The following MBTPS1 variants were observed in gnomAD, a reference collection of about 807,000 sequenced individuals.
The protein encoded by MBTPS1 is membrane bound transcription factor peptidase, site 1.
Under a neutral mutation model 127.8 loss-of-function variants are expected in MBTPS1, and 94 were observed. The observed-to-expected ratio is 0.74, with a 90% CI of 0.62 to 0.87. The LOEUF (loss-of-function observed/expected upper bound fraction) is 0.87, where lower values mean the gene tolerates loss of function less well. Among genes scored for constraint, MBTPS1 ranks in the 40% least tolerant of loss-of-function variants. MBTPS1 has a pLI of 0.00. For synonymous variants in MBTPS1, 632 were observed against 509.4 expected (o/e 1.24, Z -3.24); for missense variants, 1,636 against 1,353.2 (o/e 1.21, Z -3.28).
At position 84,059,407 on chromosome 16, in the gene MBTPS1, G is replaced by T; in HGVS notation, c.2726C>A (p.Ser909Tyr). Residue 909 changes from serine to tyrosine, a missense_variant, in exon 21 of 23, where the codon TCC (serine) becomes TAC (tyrosine). By Grantham distance (144) the Ser-to-Tyr change is moderately radical (BLOSUM62 -2). Coordinates refer to ENST00000343411, the MANE Select transcript of MBTPS1 (RefSeq NM_003791.4). ...RMEGNHLHRYSKVLEAHLGDP... is the reference protein window; with the variant it reads ...RMEGNHLHRYYKVLEAHLGDP... Reference sequence around the variant, plus strand: ...TCCCAAATGGGCCTCCAGAACCTTGGAGTACCGATGAAGATGGTTTCCTGT... The same window carrying T: ...TCCCAAATGGGCCTCCAGAACCTTGTAGTACCGATGAAGATGGTTTCCTGT... 6.2e-7 allele frequency: 1 copy of T among 1,613,684 alleles called. No individual in the cohort carries two copies. Among genetic ancestry groups the T allele is most frequent in the Non-Finnish European group, 8.5e-7 (1 of 1,179,658 alleles).
intron 12 of MBTPS1, among the ~76,000 whole-genome samples, chr16:84,071,574 A>T (rs1339157945): frequency 6.6e-6 from 1 of 152,250 alleles, no homozygotes; most frequent in African/African-American, 2.4e-5. Flanking sequence ...CATCTCTTGT[A>T]ACACATCAAA....
chr16:84,106,079 G>A (rs1460656462), intron 1 of MBTPS1, among the ~76,000 whole-genome samples: 1 of 152,168 alleles, frequency 6.6e-6, no homozygotes, highest in African/African-American at 2.4e-5. Flanking sequence ...TGGATCACCT[G>A]AGGCCAGGAA....
At chr16:84,065,025 T>A (rs1395577022) in intron 18 of MBTPS1, among the ~76,000 whole-genome samples, 1 of 152,186 alleles carries the variant, frequency 6.6e-6, no homozygotes, top group Non-Finnish European at 1.5e-5. Context: ...ATCTTGTACA[T>A]TTTCATTTTT....
chr16:84,072,849 C>G (rs557106244), intron 12 of MBTPS1, among the ~76,000 whole-genome samples: 5 of 152,332 alleles, frequency 3.3e-5, no homozygotes, highest in African/African-American at 1.2e-4. Context: ...CTGAACCCCA[C>G]TGGCAGCAGT....
chr16:84,102,072 C>A lies in MBTPS1; in HGVS notation c.-289G>T. On this transcript the variant is annotated 5_prime_UTR_variant, in exon 2 of 23. Transcript: ENST00000343411. ...TCCATTTGTACCACAGAACCAACGT[C>A]CAATGGGGTTGATCAATCAACCACT... The A allele has an allele frequency of 3.4e-6, 1 of 295,374 alleles. No homozygotes were observed. Among genetic ancestry groups the A allele is most frequent in the Non-Finnish European group, 6.4e-6 (1 of 157,018 alleles). The allele number at this position is 295,374 out of a possible 1,614,324, so 18.3% of individuals were successfully genotyped here. A position where few individuals can be genotyped will look rare whatever the true frequency, so the allele number is the denominator to read the frequency against.
At chr16:84,078,839 G>C (rs1156645929) in intron 11 of MBTPS1, among the ~76,000 whole-genome samples, 1 of 152,206 alleles carries the variant, frequency 6.6e-6, no homozygotes, top group Non-Finnish European at 1.5e-5. Context: ...GGGGTGGTGG[G>C]GGCAGGGGGA....
At chr16:84,091,045 A>G in intron 7 of MBTPS1, 103 bp from the exon 8 acceptor site, 2 of 900,974 alleles carry the variant, frequency 2.2e-6, no homozygotes, top group Non-Finnish European at 1.8e-6. Flanking sequence ...ACAGTTCTAA[A>G]AAAGCAGCAC....
At chr16:84,101,455 C>T (rs905144094) in intron 2 of MBTPS1, among the ~76,000 whole-genome samples, 166 bp downstream of exon 2, 4 of 150,608 alleles carry the variant, frequency 2.7e-5, no homozygotes, top group African/African-American at 9.8e-5. Flanking sequence ...CATGCCACTG[C>T]ACTCCAGCCT....
chr16:84,054,666 G>C, intron 22 of MBTPS1, 21 bp from the exon 23 acceptor site: 2 of 1,535,806 alleles, frequency 1.3e-6, no homozygotes, highest in Non-Finnish European at 1.8e-6. Flanking sequence ...ACAGCCGGTT[G>C]AACAGGCAGG....
At chr16:84,093,855 T>C (rs140122263) in intron 4 of MBTPS1, 34 bp from the exon 5 acceptor site, 1 of 1,418,288 alleles carries the variant, frequency 7.1e-7, no homozygotes. Context: ...ACAATTATGT[T>C]TGAAGAAATC....
At chr16:84,057,007 C>A (rs2085531686) in intron 21 of MBTPS1, 1 of 152,196 alleles carries the variant, frequency 6.6e-6, no homozygotes. Context: ...GTTATTTATT[C>A]ATTTGGAAAC....
chr16:84,055,025 G>C (rs374529472), intron 22 of MBTPS1, among the ~76,000 whole-genome samples: 1 of 152,206 alleles, frequency 6.6e-6, no homozygotes, highest in Non-Finnish European at 1.5e-5. Flanking sequence ...GGGAGAAGGA[G>C]GGGCCTGTGG....
At chr16:84,059,542 GC>G in intron 20 of MBTPS1, 114 bp from the exon 21 acceptor site, 4 of 980,380 alleles carry the variant, frequency 4.1e-6, no homozygotes, top group Non-Finnish European at 6.0e-6. Context: ...ACAGCACAGA[GC>G]CCCTGTGCTC....
chr16:84,112,661 C>CAAAAA (rs67005277), intron 1 of MBTPS1, among the ~76,000 whole-genome samples: 1 of 92,536 alleles, frequency 1.1e-5, no homozygotes, highest in East Asian at 2.9e-4. Flanking sequence ...GACTCGGTCT[C>CAAAAA]AAAAAAAACA....
chr16:84,107,089 C>A (rs2086334059), intron 1 of MBTPS1, among the ~76,000 whole-genome samples: 1 of 152,148 alleles, frequency 6.6e-6, no homozygotes, highest in Non-Finnish European at 1.5e-5. Flanking sequence ...GAATCCCGGG[C>A]AATCCAGTAC....
chr16:84,106,856 G>A (rs2086330951), intron 1 of MBTPS1, among the ~76,000 whole-genome samples: 1 of 152,308 alleles, frequency 6.6e-6, no homozygotes, highest in South Asian at 2.1e-4. Context: ...TTACAGATAC[G>A]AAGGCAGAAG....
intron 20 of MBTPS1, chr16:84,060,467 C>G (rs2085592798): frequency 3.9e-6 from 2 of 518,526 alleles, no homozygotes; most frequent in Non-Finnish European, 6.9e-6. Flanking sequence ...AGCAGCTGCA[C>G]ACTGGGTCCT....
At chr16:84,060,025 C>T (rs1036908019) in intron 20 of MBTPS1, 4 of 152,554 alleles carry the variant, frequency 2.6e-5, no homozygotes, top group African/African-American at 9.7e-5. Flanking sequence ...TTAAATGATG[C>T]CTGTGGTTCC....
At chr16:84,066,029 T>C (rs78698482) in intron 17 of MBTPS1, among the ~76,000 whole-genome samples, 11,809 of 152,218 alleles carry the variant, frequency 0.078, 506 homozygotes, top group Admixed American at 0.11. Context: ...ATTAGGTTTC[T>C]GAATAGATGT....
Sources: gnomAD v4.1 joint callset for allele counts (sites outside exome capture counted in the v4.1 genomes callset) on GRCh38, gnomAD v4.1.1 for gene constraint, MANE v1.5 for transcripts, NCBI Gene and HGNC (gene_info 2026-07-23, HGNC 2026-07-21) for gene names.